APBB2: variants seen among roughly 807,000 people sequenced by gnomAD.
APBB2 encodes amyloid beta precursor protein binding family B member 2.
In APBB2, 38 loss-of-function variants were observed where a neutral mutation model predicts 82.5. That is an observed-to-expected ratio of 0.46 (90% CI 0.36 to 0.60). APBB2 has a LOEUF of 0.60. APBB2 is among the 20% of genes least tolerant of loss of function. The pLI, the probability that APBB2 is intolerant of heterozygous loss-of-function variation, is 0.00. For synonymous variants in APBB2, 341 were observed against 368.2 expected (o/e 0.93, Z 0.85); for missense variants, 772 against 972.3 (o/e 0.79, Z 2.74).
At chr4:40,824,260 A>G (rs1749086316) in intron 15 of APBB2, among the ~76,000 whole-genome samples, 1 of 152,128 alleles carries the variant, frequency 6.6e-6, no homozygotes, top group Admixed American at 6.5e-5. Flanking sequence ...CTGTCTACCT[A>G]TGCAGACCAT....
chr4:40,934,993 A>G, intron 8 of APBB2, 84 bp downstream of exon 8: 2 of 1,148,684 alleles, frequency 1.7e-6, no homozygotes, highest in African/African-American at 3.1e-5. Flanking sequence ...AATGCATGAT[A>G]TTCACAAAGA....
chr4:41,032,612 G>C (rs1378787028), intron 5 of APBB2, among the ~76,000 whole-genome samples: 2 of 151,890 alleles, frequency 1.3e-5, no homozygotes, highest in African/African-American at 4.8e-5. Context: ...GCAGTACCCA[G>C]GCTGTAATGT....
At chr4:40,924,148 T>G (rs1782028617) in intron 10 of APBB2, among the ~76,000 whole-genome samples, 2 of 152,322 alleles carry the variant, frequency 1.3e-5, no homozygotes, top group East Asian at 1.9e-4. Context: ...AAGGCTGGAA[T>G]GAGATGATCC....
intron 3 of APBB2, among the ~76,000 whole-genome samples, chr4:41,068,989 T>A (rs1732911681): frequency 1.3e-5 from 2 of 151,620 alleles, no homozygotes. Flanking sequence ...AGAGATGGGG[T>A]TTCACCATGT....
At position 41,205,522 on chromosome 4, in the gene APBB2, T is replaced by C. The variant is rs1777716819; in HGVS notation, c.-417+8883A>G. Among the ~76,000 whole-genome samples the C allele has an allele frequency of 2.0e-5, 3 of 152,050 alleles. No individual in the cohort carries two copies. In the South Asian group the frequency reaches 6.2e-4, roughly 32 times the overall value. On this transcript the variant is annotated intron_variant, in intron 1 of 17. Transcript: ENST00000508593. Reference sequence around the variant, plus strand: ...AAAAAGGGATGAAAGGCAAAGCTATTAAAAATCTCAAGAGATGAGACAATG... The same window carrying C: ...AAAAAGGGATGAAAGGCAAAGCTATCAAAAATCTCAAGAGATGAGACAATG...
intron 2 of APBB2, among the ~76,000 whole-genome samples, chr4:41,101,326 C>T (rs934688908): frequency 1.3e-5 from 2 of 149,822 alleles, no homozygotes; most frequent in Admixed American, 6.6e-5. Flanking sequence ...TAGCCGGGCG[C>T]GGTGGCGGGC....
Position 41,201,832 on chromosome 4 carries a change from T to C in APBB2, c.-417+12573A>G, listed in dbSNP as rs182501947. 5.1e-4 allele frequency among the ~76,000 whole-genome samples: 77 copies of C among 152,290 alleles called. 1 individual carries two copies. Among genetic ancestry groups the C allele is most frequent in the East Asian group, 3.7e-3 (19 of 5,190 alleles). On this transcript the variant is annotated intron_variant, in intron 1 of 17. Coordinates refer to ENST00000508593, the MANE Select transcript of APBB2 (RefSeq NM_004307.2). ...TCAAGTTCATTTTTACCAAATTATC[T>C]CCAAAGTGCAAGTCAGTAATATACA...
chr4:40,826,433 C>T lies in APBB2; in HGVS notation c.1733-463G>A, dbSNP rs369413770. Among the ~76,000 whole-genome samples the T allele has an allele frequency of 2.6e-5, 4 of 151,350 alleles. No individual in the cohort carries two copies. The highest frequency in any genetic ancestry group is 7.3e-5 in the African/African-American group (3 of 41,122). ...TTGCCCAGGCTGGAGTGCAGTGGTG[C>T]GATCTTGGCTCGCTGCAACCTCCAT... On this transcript the variant is annotated intron_variant, in intron 14 of 17. Transcript: ENST00000508593. This position sits in a 1 kb window ranked among gnomAD's most constrained non-coding sequence, Gnocchi z 4.5.
chr4:41,153,906 T>A (rs962455578), intron 1 of APBB2, among the ~76,000 whole-genome samples: 9 of 152,192 alleles, frequency 5.9e-5, no homozygotes, highest in African/African-American at 2.2e-4. Flanking sequence ...TACAGTTAAG[T>A]AAGAGCTAGA....
intron 4 of APBB2, among the ~76,000 whole-genome samples, chr4:41,055,450 A>AT (rs1419023408): frequency 6.6e-6 from 1 of 152,018 alleles, no homozygotes; most frequent in Non-Finnish European, 1.5e-5. Flanking sequence ...CTGGACTGTT[A>AT]TTTTCGCCAT....
chr4:40,973,773 C>T (rs1302335780), intron 6 of APBB2, among the ~76,000 whole-genome samples: 1 of 152,064 alleles, frequency 6.6e-6, no homozygotes, highest in Non-Finnish European at 1.5e-5. Context: ...GCAATCTCTG[C>T]CTGTCTTCAC....
chr4:40,946,232 C>CAA (rs55995119), intron 6 of APBB2, among the ~76,000 whole-genome samples: 1,751 of 77,408 alleles, frequency 0.023, 14 homozygotes, highest in Non-Finnish European at 0.027. Context: ...ACTCTATCTC[C>CAA]AAAAAAAAAA....
chr4:40,947,890 G>C (rs189383594), intron 6 of APBB2, among the ~76,000 whole-genome samples: 18 of 152,272 alleles, frequency 1.2e-4, no homozygotes, highest in African/African-American at 4.1e-4. Flanking sequence ...GGGAGGGAAA[G>C]AAAGAATAAA....
At chr4:41,040,962 G>A (rs757485932) in intron 4 of APBB2, among the ~76,000 whole-genome samples, 43 of 152,208 alleles carry the variant, frequency 2.8e-4, no homozygotes, top group Non-Finnish European at 4.7e-4. Flanking sequence ...CTCACTGCAA[G>A]CTCCGCCTCC....
Position 40,964,513 on chromosome 4 carries a change from G to C in APBB2, c.836-19440C>G, listed in dbSNP as rs142067448. The stretch of plus-strand genomic sequence containing the variant: ...ACACCCTATGGCCCAGCAATATCGA[G>C]AGTGTATGCCACATGCCTTCTCATG... On this transcript the variant is annotated intron_variant, in intron 6 of 17. Transcript: ENST00000508593. Among the ~76,000 whole-genome samples, 7 of 151,286 alleles carry C rather than the reference G, an allele frequency of 4.6e-5. No homozygotes were observed. In the East Asian group the frequency reaches 1.4e-3, roughly 29 times the overall value.
At chr4:40,851,738 A>ATATATATATT (rs1192919460) in intron 12 of APBB2, among the ~76,000 whole-genome samples, 5 of 67,736 alleles carry the variant, frequency 7.4e-5, no homozygotes, top group Admixed American at 1.6e-4. Flanking sequence ...ATATATATAT[A>ATATATATATT]TTTTTTTTTT....
intron 2 of APBB2, among the ~76,000 whole-genome samples, chr4:41,118,822 T>G (rs1488572806): frequency 6.6e-6 from 1 of 152,178 alleles, no homozygotes; most frequent in African/African-American, 2.4e-5. Context: ...TCAGTTTTCC[T>G]GTAAATCTAA....
At chr4:40,931,853 A>G (rs1784298320) in intron 10 of APBB2, among the ~76,000 whole-genome samples, 1 of 151,850 alleles carries the variant, frequency 6.6e-6, no homozygotes, top group South Asian at 2.1e-4. Context: ...TCTTCTATGG[A>G]ACAAAGTAAG....
chr4:40,931,387 C>T (rs1053538628), intron 10 of APBB2, among the ~76,000 whole-genome samples: 13 of 152,144 alleles, frequency 8.5e-5, no homozygotes, highest in Admixed American at 2.0e-4. Context: ...CCTCCCACCT[C>T]GGTCTCCCAG....
Sources: gnomAD v4.1 joint callset for allele counts (sites outside exome capture counted in the v4.1 genomes callset) on GRCh38, gnomAD v4.1.1 for gene constraint, Gnocchi (gnomAD v3.1) non-coding constraint, MANE v1.5 for transcripts, NCBI Gene and HGNC (gene_info 2026-07-23, HGNC 2026-07-21) for gene names.